ENPP6: variants seen among roughly 807,000 people sequenced by gnomAD.
ENPP6 encodes the protein glycerophosphocholine cholinephosphodiesterase ENPP6.
A neutral mutation model predicts 42.0 loss-of-function variants in ENPP6; 32 were observed. The observed-to-expected ratio is 0.76, with a 90% CI of 0.58 to 1.02. The LOEUF is 1.02. ENPP6 is among the 50% of genes least tolerant of loss of function. The pLI, the probability that ENPP6 is intolerant of heterozygous loss-of-function variation, is 0.00. For synonymous variants in ENPP6, 213 were observed against 216.0 expected (o/e 0.99, Z 0.12); for missense variants, 552 against 566.8 (o/e 0.97, Z 0.27).
At chr4:184,105,364 C>T (rs968375951) in intron 6 of ENPP6, among the ~76,000 whole-genome samples, 1 of 152,196 alleles carries the variant, frequency 6.6e-6, no homozygotes, top group Non-Finnish European at 1.5e-5. Flanking sequence ...CAAGATGTAG[C>T]TCTAGACCCC....
chr4:184,203,672 T>C (rs1732941394), intron 1 of ENPP6, among the ~76,000 whole-genome samples: 1 of 152,222 alleles, frequency 6.6e-6, no homozygotes, highest in African/African-American at 2.4e-5. Flanking sequence ...GCGCAGAACA[T>C]GTTCTCCCCT....
chr4:184,206,860 G>A (rs11132234), intron 1 of ENPP6, among the ~76,000 whole-genome samples: 131,120 of 152,190 alleles, frequency 0.86, 57,315 homozygotes, highest in East Asian at 0.96. Flanking sequence ...ACGATGATTC[G>A]GTCTCTCGCT....
intron 2 of ENPP6, among the ~76,000 whole-genome samples, chr4:184,125,197 AG>A (rs1450037099): frequency 6.6e-6 from 1 of 152,092 alleles, no homozygotes; most frequent in African/African-American, 2.4e-5. Context: ...AATCAGATGA[AG>A]GGCACTGACT....
chr4:184,180,658 C>A (rs748612402), intron 1 of ENPP6, among the ~76,000 whole-genome samples: 2 of 152,178 alleles, frequency 1.3e-5, no homozygotes, highest in Non-Finnish European at 1.5e-5. Flanking sequence ...AAAGCTTATC[C>A]ACCGTAGTGG....
chr4:184,123,333 A>C (rs1039140241), intron 3 of ENPP6, among the ~76,000 whole-genome samples: 2 of 152,070 alleles, frequency 1.3e-5, no homozygotes, highest in South Asian at 4.2e-4. Context: ...GGATATGCCC[A>C]GCTTGAAACC....
In ENPP6 at chr4:184,131,188, TCTTTCTTTCTTTC is replaced by T. The variant is rs1487524297; in HGVS notation, c.422-6929_422-6917del. On this transcript the variant is annotated intron_variant, in intron 2 of 7. Coordinates refer to ENST00000296741, the MANE Select transcript of ENPP6 (RefSeq NM_153343.4). Reference sequence around the variant, plus strand: ...TTCTTTCTTTCTTTCTTTCTTTCTTTCTTTCTTTCTTTCTTCTTTCTTTCTTTCTTTTTCTTTC... The same window carrying T: ...TTCTTTCTTTCTTTCTTTCTTTCTTTTTCTTTCTTTCTTTCTTTTTCTTTC... Among the ~76,000 whole-genome samples the T allele has an allele frequency of 2.5e-3, 161 of 63,858 alleles. 4 individuals are homozygous for T. Among genetic ancestry groups the T allele is most frequent in the African/African-American group, 7.6e-3 (111 of 14,536 alleles). The allele number at this position is 63,858 out of a possible 152,430, so 41.9% of individuals were successfully genotyped here. A position where few individuals can be genotyped will look rare whatever the true frequency, so the allele number is the denominator to read the frequency against.
At chr4:184,168,629 C>T (rs1389941024) in intron 1 of ENPP6, among the ~76,000 whole-genome samples, 1 of 152,226 alleles carries the variant, frequency 6.6e-6, no homozygotes, top group African/African-American at 2.4e-5. Flanking sequence ...TCACCACCGC[C>T]CGCAGCCGTC....
intron 6 of ENPP6, among the ~76,000 whole-genome samples, chr4:184,099,433 T>G (rs1735963282): frequency 6.6e-6 from 1 of 152,230 alleles, no homozygotes; most frequent in Non-Finnish European, 1.5e-5. Context: ...TTGCAGGGTC[T>G]GTGGGGGATG....
chr4:184,103,862 C>G (rs995035072), intron 6 of ENPP6, among the ~76,000 whole-genome samples: 11 of 152,138 alleles, frequency 7.2e-5, no homozygotes, highest in African/African-American at 2.7e-4. Flanking sequence ...CTGGCCTGAC[C>G]CCAGCGAGCC....
At chr4:184,149,953 C>T (rs1736997788) in intron 2 of ENPP6, among the ~76,000 whole-genome samples, 1 of 152,096 alleles carries the variant, frequency 6.6e-6, no homozygotes, top group Admixed American at 6.5e-5. Flanking sequence ...GGAGTCTTTT[C>T]CTCACCGCCC....
At chr4:184,107,433 G>T (rs1463795271) in intron 6 of ENPP6, among the ~76,000 whole-genome samples, 1 of 152,212 alleles carries the variant, frequency 6.6e-6, no homozygotes. Flanking sequence ...AATCCAGCTG[G>T]TTTATTAAAG....
At chr4:184,099,885 A>G (rs1358887687) in intron 6 of ENPP6, among the ~76,000 whole-genome samples, 1 of 152,246 alleles carries the variant, frequency 6.6e-6, no homozygotes, top group Non-Finnish European at 1.5e-5. Flanking sequence ...CAAGGCGGTG[A>G]GCACTGAAGC....
At position 184,217,614 on chromosome 4, in the gene ENPP6, C is replaced by T; in HGVS notation, c.206G>A (p.Ser69Asn). The T allele has an allele frequency of 6.2e-7, 1 of 1,614,210 alleles. No individual in the cohort carries two copies. Among genetic ancestry groups the T allele is most frequent in the Non-Finnish European group, 8.5e-7 (1 of 1,180,038 alleles). Residue 69 changes from serine (S) to asparagine (N), a missense_variant, in exon 1 of 8, where the codon AGT becomes AAT. Physicochemically the swap from Ser to Asn is conservative, Grantham distance 46. Around this residue, in one of 2 missense-constraint regions of ENPP6, gnomAD observed 545 missense variants for 546.3 expected, o/e 1.00. Coordinates refer to ENST00000296741, the MANE Select transcript of ENPP6 (RefSeq NM_153343.4). ...KVDYLTPDFPSLSYPNYYTLM... is the reference protein window; with the variant it reads ...KVDYLTPDFPNLSYPNYYTLM... Reference sequence around the variant, plus strand: ...GGTATAATAATTGGGATACGAGAGACTAGGGAAGTCTGGAGTCAAGTAATC... The same window carrying T: ...GGTATAATAATTGGGATACGAGAGATTAGGGAAGTCTGGAGTCAAGTAATC...
intron 2 of ENPP6, among the ~76,000 whole-genome samples, chr4:184,142,349 T>C (rs891416416): frequency 5.9e-5 from 9 of 152,214 alleles, no homozygotes; most frequent in Non-Finnish European, 1.2e-4. Context: ...AGAGAGCTTA[T>C]TAAAACAGCT....
intron 1 of ENPP6, among the ~76,000 whole-genome samples, chr4:184,157,051 G>A (rs571065810): frequency 2.0e-5 from 3 of 152,320 alleles, no homozygotes; most frequent in Admixed American, 6.5e-5. Context: ...GTAGAGTCCA[G>A]GTTGAGCAAG....
intron 3 of ENPP6, among the ~76,000 whole-genome samples, chr4:184,120,517 C>T (rs1736398080): frequency 6.6e-6 from 1 of 152,202 alleles, no homozygotes; most frequent in African/African-American, 2.4e-5. Context: ...ACTGTGACCC[C>T]CTGCTCTCCT....
At chr4:184,166,361 C>T (rs1209077053) in intron 1 of ENPP6, among the ~76,000 whole-genome samples, 2 of 152,156 alleles carry the variant, frequency 1.3e-5, no homozygotes, top group Non-Finnish European at 2.9e-5. Flanking sequence ...GGAACATTCA[C>T]ACTCATTGTT....
intron 1 of ENPP6, among the ~76,000 whole-genome samples, chr4:184,200,242 C>T (rs1257888753): frequency 3.3e-5 from 5 of 152,192 alleles, no homozygotes; most frequent in African/African-American, 4.8e-5. Flanking sequence ...GCATCTGATG[C>T]CAGAAGCGGT....
intron 5 of ENPP6, 30 bp downstream of exon 5, chr4:184,116,826 C>T (rs766226806): frequency 3.1e-6 from 5 of 1,610,058 alleles, no homozygotes; most frequent in African/African-American, 2.7e-5. Context: ...CCCACATGGC[C>T]CTCCTCCGCC....
Sources: gnomAD v4.1 joint callset for allele counts (sites outside exome capture counted in the v4.1 genomes callset) on GRCh38, gnomAD v4.1.1 for gene constraint, gnomAD v4.1.1 regional missense constraint, MANE v1.5 for transcripts, NCBI Gene and HGNC (gene_info 2026-07-23, HGNC 2026-07-21) for gene names.